TRPM3: variants seen among roughly 807,000 people sequenced by gnomAD.
The protein encoded by TRPM3 is long transient receptor potential channel 3.
Under a neutral mutation model 181.2 loss-of-function variants are expected in TRPM3, and 77 were observed. The observed-to-expected ratio is 0.42, with a 90% CI of 0.35 to 0.51. TRPM3 has a LOEUF of 0.51. Ranked by LOEUF, TRPM3 falls within the 20% of genes least tolerant of loss-of-function variation. The pLI, the probability that TRPM3 is intolerant of heterozygous loss-of-function variation, is 0.01. For synonymous variants in TRPM3, 745 were observed against 796.4 expected (o/e 0.94, Z 1.09); for missense variants, 1,759 against 2,196.7 (o/e 0.80, Z 3.98).
intron 1 of TRPM3, among the ~76,000 whole-genome samples, chr9:70,993,962 G>A (rs775446185): frequency 9.2e-5 from 14 of 152,110 alleles, no homozygotes; most frequent in Non-Finnish European, 1.9e-4. Context: ...TGACATTCAT[G>A]TCACAGAGGC....
chr9:71,180,915 T>C (rs2077365866), intron 1 of TRPM3, among the ~76,000 whole-genome samples: 1 of 152,144 alleles, frequency 6.6e-6, no homozygotes, highest in Non-Finnish European at 1.5e-5. Flanking sequence ...ATACAGGTAC[T>C]ATTTTAAGTG....
chr9:70,602,106 C>CTTTTTTT (rs6151027), intron 20 of TRPM3, among the ~76,000 whole-genome samples: 56,273 of 126,940 alleles, frequency 0.44, 13,660 homozygotes, highest in Non-Finnish European at 0.53. Flanking sequence ...CAAGGCATTC[C>CTTTTTTT]TTTTTTTTTT....
In TRPM3 at chr9:71,385,987, G is replaced by A. The variant is rs773914220; in HGVS notation, c.183+60666C>T. Among the ~76,000 whole-genome samples, 83 of 152,074 alleles carry A rather than the reference G, an allele frequency of 5.5e-4. 1 individual carries two copies. Among genetic ancestry groups the A allele is most frequent in the Middle Eastern group, 6.8e-3 (2 of 294 alleles). ...CTCTCAAAGTGCTGGGATTACAGGC[G>A]TGAGCCACCACACCTGCTGAGTCTT... On this transcript the variant is annotated intron_variant, in intron 1 of 24. Transcript: ENST00000357533.
At chr9:71,115,173 C>T (rs1477284102) in intron 1 of TRPM3, among the ~76,000 whole-genome samples, 3 of 152,104 alleles carry the variant, frequency 2.0e-5, no homozygotes, top group Admixed American at 6.6e-5. Context: ...TCAGAGGGGC[C>T]GCTGAATTAA....
chr9:70,603,493 G>T, intron 19 of TRPM3, 23 bp from the exon 20 acceptor site: 1 of 1,612,098 alleles, frequency 6.2e-7, no homozygotes, highest in Non-Finnish European at 8.5e-7. Context: ...ACAATACAGT[G>T]CTCTGGCTGT....
intron 1 of TRPM3, among the ~76,000 whole-genome samples, chr9:71,233,048 A>C (rs2081162607): frequency 6.6e-6 from 1 of 152,100 alleles, no homozygotes. Flanking sequence ...CTAGGGTTTG[A>C]CATCTGAAAG....
chr9:70,600,491 A>G (rs1420392778), intron 20 of TRPM3, among the ~76,000 whole-genome samples: 4 of 151,978 alleles, frequency 2.6e-5, no homozygotes, highest in Non-Finnish European at 5.9e-5. Flanking sequence ...TTTCACAGGC[A>G]GTGTCCTGCC....
At chr9:71,243,074 C>T (rs979528945) in intron 1 of TRPM3, among the ~76,000 whole-genome samples, 2 of 152,190 alleles carry the variant, frequency 1.3e-5, no homozygotes, top group South Asian at 2.1e-4. Flanking sequence ...GAGAGTCTTG[C>T]TCTGTTACCC....
intron 9 of TRPM3, among the ~76,000 whole-genome samples, chr9:70,653,386 AG>A (rs1441136440): frequency 1.3e-5 from 2 of 152,104 alleles, no homozygotes; most frequent in African/African-American, 4.8e-5. Flanking sequence ...GACCAGAGTC[AG>A]GGCCCACTTG....
At chr9:71,012,821 A>G (rs2097756651) in intron 1 of TRPM3, among the ~76,000 whole-genome samples, 1 of 151,958 alleles carries the variant, frequency 6.6e-6, no homozygotes, top group African/African-American at 2.4e-5. Context: ...TTTAGATATT[A>G]TGTTATCAGT....
At chr9:70,539,866 ACT>A (rs148205250) in intron 25 of TRPM3, among the ~76,000 whole-genome samples, 87 of 152,224 alleles carry the variant, frequency 5.7e-4, no homozygotes, top group African/African-American at 2.0e-3. Flanking sequence ...ACAAGATTTC[ACT>A]CTGTCACCCA....
intron 12 of TRPM3, among the ~76,000 whole-genome samples, chr9:70,628,818 T>TA (rs10699305): frequency 0.51 from 45,881 of 89,390 alleles, 12,940 homozygotes; most frequent in Non-Finnish European, 0.63. Context: ...GACTCTGTCT[T>TA]AAAAAAAAAA....
chr9:71,040,079 C>A (rs2058657497), intron 1 of TRPM3, among the ~76,000 whole-genome samples: 1 of 152,064 alleles, frequency 6.6e-6, no homozygotes, highest in Non-Finnish European at 1.5e-5. Context: ...GTTAGAGTCC[C>A]TATGCAGGGA....
In TRPM3 at chr9:70,635,353, G is replaced by A. The variant is rs892111246; in HGVS notation, c.1582-92C>T. On this transcript the variant is annotated intron_variant, in intron 11 of 25. Coordinates refer to ENST00000677713, the MANE Select transcript of TRPM3 (RefSeq NM_001366145.2). The stretch of plus-strand genomic sequence containing the variant: ...GATCTAGAAGGAAGGGTGCTGGCTG[G>A]TGGAGGGCAGTTCATTAAGATGGAC... The A allele has an allele frequency of 5.8e-6, 6 of 1,034,316 alleles. No individual in the cohort carries two copies. The African/African-American group carries it at 9.4e-5, about 16-fold the overall frequency. 64.1% of individuals were successfully genotyped at this position (1,034,316 alleles called of 1,614,324 possible).
At chr9:70,762,979 A>T (rs2078421203) in intron 7 of TRPM3, among the ~76,000 whole-genome samples, 1 of 152,162 alleles carries the variant, frequency 6.6e-6, no homozygotes, top group Non-Finnish European at 1.5e-5. Context: ...TTTATTGCTT[A>T]AAAGAAGGCA....
chr9:71,385,156 T>C (rs2092897287), intron 1 of TRPM3, among the ~76,000 whole-genome samples: 1 of 152,214 alleles, frequency 6.6e-6, no homozygotes. Flanking sequence ...GTCAGAAGTT[T>C]GTTCTTGAAG....
At chr9:71,031,959 T>TTA (rs1554806507) in intron 1 of TRPM3, among the ~76,000 whole-genome samples, 3 of 1,396 alleles carry the variant, frequency 2.1e-3, no homozygotes, top group Non-Finnish European at 2.8e-3. Context: ...ATATATATAA[T>TTA]TATATATATA....
At chr9:70,701,295 C>T (rs569629842) in intron 8 of TRPM3, among the ~76,000 whole-genome samples, 1 of 152,228 alleles carries the variant, frequency 6.6e-6, no homozygotes, top group South Asian at 2.1e-4. Context: ...GCTATTTGGG[C>T]CTCTCTCAAT....
At chr9:70,809,284 T>C (rs1416255824) in intron 6 of TRPM3, among the ~76,000 whole-genome samples, 1 of 152,164 alleles carries the variant, frequency 6.6e-6, no homozygotes, top group Non-Finnish European at 1.5e-5. Flanking sequence ...TTTGAAGAAA[T>C]AAAATTTAAA....
Sources: gnomAD v4.1 joint callset for allele counts (sites outside exome capture counted in the v4.1 genomes callset) on GRCh38, gnomAD v4.1.1 for gene constraint, MANE v1.5 for transcripts, NCBI Gene and HGNC (gene_info 2026-07-23, HGNC 2026-07-21) for gene names.